CDH15: variants seen among roughly 807,000 people sequenced by gnomAD.
The protein encoded by CDH15 is cadherin-15.
In CDH15, 73 loss-of-function variants were observed where a neutral mutation model predicts 69.4. The observed-to-expected ratio is 1.05, with a 90% CI of 0.87 to 1.28. The LOEUF is 1.28. Among genes scored for constraint, CDH15 ranks in the 50% most tolerant of loss-of-function variants. CDH15 has a pLI of 0.00. For synonymous variants in CDH15, 624 were observed against 507.7 expected (o/e 1.23, Z -3.08); for missense variants, 1,343 against 1,133.6 (o/e 1.18, Z -2.65).
At position 89,192,289 on chromosome 16, in the gene CDH15, C is replaced by A. The variant is rs1311586272; in HGVS notation, c.1700C>A (p.Pro567Gln). 8 of 1,531,788 alleles carry A rather than the reference C, an allele frequency of 5.2e-6. No homozygotes were observed. In the African/African-American group the frequency reaches 6.9e-5, roughly 13 times the overall value. The allele number at this position is 1,531,788 out of a possible 1,614,324, so 94.9% of individuals were successfully genotyped here. ...CTGCTGCTCCGGGACTCGGGGCAGC[C>A]GCCCCAGCAGCGCGAGCAGCCTCTG... The part of the protein sequence containing the change: ...LSLLLRDSGQ[P>Q]PQQREQPLNV... Residue 567 changes from proline (P) to glutamine (Q), a missense_variant, in exon 11 of 14, where the codon CCG (proline) becomes CAG (glutamine). Pro to Gln is a moderately conservative substitution (Grantham distance 76). Transcript: ENST00000289746.
intron 2 of CDH15, 77 bp downstream of exon 2, chr16:89,179,651 C>G (rs1214076145): frequency 7.0e-7 from 1 of 1,434,874 alleles, no homozygotes. Context: ...CTCTAAAGGT[C>G]TCCTGGGAGC....
chr16:89,194,583 C>G (rs1816889450), intron 13 of CDH15, among the ~76,000 whole-genome samples: 1 of 152,168 alleles, frequency 6.6e-6, no homozygotes, highest in Admixed American at 6.5e-5. Context: ...TGAGGGGGAG[C>G]AACCCCTTCC....
At chr16:89,185,395 C>T (rs1203144993) in intron 5 of CDH15, 62 bp downstream of exon 5, 8 of 1,517,562 alleles carry the variant, frequency 5.3e-6, no homozygotes, top group Non-Finnish European at 7.1e-6. Context: ...TCCTGCGGGT[C>T]CCTCTGCCCC....
chr16:89,194,251 G>A lies in CDH15; in HGVS notation c.2151+338G>A, dbSNP rs896877815. 1.1e-4 allele frequency among the ~76,000 whole-genome samples: 16 copies of A among 152,150 alleles called. 1 individual carries two copies. Among genetic ancestry groups the A allele is most frequent in the Admixed American group, 7.2e-4 (11 of 15,288 alleles). On this transcript the variant is annotated intron_variant, in intron 13 of 13. Coordinates refer to ENST00000289746, the MANE Select transcript of CDH15 (RefSeq NM_004933.3). ...CTTCGGTGGCTGTCAGCGGAATCAG[G>A]GCCTCCATAGAAGACCCTCTGGACA... is the stretch of plus-strand genomic sequence containing the variant.
chr16:89,172,641 G>A (rs1915180750), intron 1 of CDH15, among the ~76,000 whole-genome samples: 1 of 152,188 alleles, frequency 6.6e-6, no homozygotes, highest in Non-Finnish European at 1.5e-5. Context: ...GTGGAAGGAA[G>A]CCCAGGCCTC....
In CDH15 at chr16:89,193,867, G is replaced by T; in HGVS notation, c.2105G>T (p.Arg702Leu). Residue 702 changes from arginine to leucine, a missense_variant, in exon 13 of 14, where the codon CGA (arginine) becomes CTA (leucine). By Grantham distance (102) the Arg-to-Leu change is moderately radical. Coordinates refer to ENST00000289746, the MANE Select transcript of CDH15 (RefSeq NM_004933.3). ...PQGRLHPQPP[R>L]VLPTSPLDIA... ...GGCCGCCTGCACCCCCAGCCACCCC[G>T]AGTGCTGCCCACCAGCCCCCTGGAC... 1 of 1,611,854 alleles carries T rather than the reference G, an allele frequency of 6.2e-7. No homozygotes were observed. Among genetic ancestry groups the T allele is most frequent in the Non-Finnish European group, 8.5e-7 (1 of 1,179,752 alleles).
At chr16:89,172,461 G>T (rs542803958) in intron 1 of CDH15, among the ~76,000 whole-genome samples, 2 of 152,146 alleles carry the variant, frequency 1.3e-5, no homozygotes, top group Non-Finnish European at 2.9e-5. Flanking sequence ...GCAGAGTGGC[G>T]TGTGGCAGCC....
rs73257993 is a variant in CDH15 at position 89,172,000 on chromosome 16, C to T, written c.42+127C>T. The T allele has an allele frequency of 0.014, 13,923 of 993,004 alleles. 1,188 individuals carry two copies. In the African/African-American group the frequency reaches 0.19, roughly 14 times the overall value. The allele number at this position is 993,004 out of a possible 1,614,324, so 61.5% of individuals were successfully genotyped here. On this transcript the variant is annotated intron_variant, in intron 1 of 13. Coordinates refer to ENST00000289746, the MANE Select transcript of CDH15 (RefSeq NM_004933.3). ...CTGGTCGCCTTTGGGGGCCTGTGAG[C>T]GGAGTGGCTCCGGGTGGGTCCCTGG...
Position 89,171,859 on chromosome 16 carries a change from G to C in CDH15, c.28G>C (p.Gly10Arg), listed in dbSNP as rs1567768749. MDAAFLLVL[G>R]LLAQSLCLSL... ...GGACGCCGCGTTCCTCCTCGTCCTCGGGCTGTTGGCCCAGGTAAGGCATCG... is the reference window on the plus strand; with the variant it reads ...GGACGCCGCGTTCCTCCTCGTCCTCCGGCTGTTGGCCCAGGTAAGGCATCG... Residue 10 changes from glycine (G) to arginine (R), a missense_variant, in exon 1 of 14, where the codon GGG becomes CGG. Coordinates refer to ENST00000289746, the MANE Select transcript of CDH15 (RefSeq NM_004933.3). 1 of 1,559,242 alleles carries C rather than the reference G, an allele frequency of 6.4e-7. No homozygotes were observed. The highest frequency in any genetic ancestry group is 8.7e-7 in the Non-Finnish European group (1 of 1,155,432).
In CDH15 at chr16:89,171,801, G is replaced by A. The variant is rs774469363; in HGVS notation, c.-31G>A. 1.4e-5 allele frequency: 21 copies of A among 1,545,244 alleles called. No individual in the cohort carries two copies. Among genetic ancestry groups the A allele is most frequent in the Admixed American group, 1.9e-5 (1 of 51,644 alleles). Reference sequence around the variant, plus strand: ...GGACGCGCTTCTTCGGGTCGCGGGTGCACTCCGGCCCGGCTCCCGCCTCGG... The same window carrying A: ...GGACGCGCTTCTTCGGGTCGCGGGTACACTCCGGCCCGGCTCCCGCCTCGG... On this transcript the variant is annotated 5_prime_UTR_variant, in exon 1 of 14. Transcript: ENST00000289746.
intron 3 of CDH15, 146 bp downstream of exon 3, chr16:89,180,501 G>GT: frequency 1.1e-6 from 1 of 946,874 alleles, no homozygotes; most frequent in Non-Finnish European, 1.6e-6. Context: ...GAGGGGGCAG[G>GT]TACAGGGGTT....
Position 89,191,453 on chromosome 16 carries a change from C to T in CDH15, c.1356C>T (p.Ile452=), listed in dbSNP as rs376123218. Residue 452 remains isoleucine, a synonymous_variant, in exon 9 of 14, where the codon ATC becomes ATT. Coordinates refer to ENST00000289746, the MANE Select transcript of CDH15 (RefSeq NM_004933.3). The part of the protein sequence containing the change: ...PFLKGGWYRA[I]VLAQDDASQP... ...TCAAGGGCGGCTGGTACAGAGCCAT[C>T]GTCCTGGCCCAGGATGACGGTGAGC... 3.1e-6 allele frequency: 5 copies of T among 1,612,578 alleles called. No homozygotes were observed. Among genetic ancestry groups the T allele is most frequent in the African/African-American group, 1.3e-5 (1 of 75,046 alleles).
At chr16:89,194,039 G>A in intron 13 of CDH15, 126 bp downstream of exon 13, 1 of 1,098,256 alleles carries the variant, frequency 9.1e-7, no homozygotes, top group Non-Finnish European at 1.3e-6. Context: ...CCGTCCCAGA[G>A]CACCGCAGAG....
intron 5 of CDH15, among the ~76,000 whole-genome samples, chr16:89,186,376 T>C (rs113387008): frequency 1.2e-4 from 15 of 125,992 alleles, no homozygotes; most frequent in African/African-American, 2.6e-4. Flanking sequence ...CTGTAAAGGC[T>C]CACCCAGCGC....
chr16:89,174,841 C>T (rs913674962), intron 1 of CDH15, among the ~76,000 whole-genome samples: 6 of 152,154 alleles, frequency 3.9e-5, no homozygotes, highest in African/African-American at 7.2e-5. Context: ...AGGGTGCTTG[C>T]GTCCCCTACC....
intron 1 of CDH15, among the ~76,000 whole-genome samples, chr16:89,173,126 C>T (rs1915191304): frequency 1.3e-5 from 2 of 152,282 alleles, no homozygotes; most frequent in South Asian, 2.1e-4. Flanking sequence ...CATCTGGAGA[C>T]AGTGGTGGGG....
rs778837215 is a variant in CDH15 at position 89,183,670 on chromosome 16, C to A, written c.480C>A (p.Arg160=). 1.9e-6 allele frequency: 3 copies of A among 1,608,520 alleles called. No homozygotes were observed. Among genetic ancestry groups the A allele is most frequent in the Non-Finnish European group, 2.5e-6 (3 of 1,177,526 alleles). The part of the protein sequence containing the change: ...PAFLQEAFTG[R]VLEGAVPGTY... ...TCCTGCAGGAGGCGTTCACTGGCCG[C>A]GTGCTGGAGGGTGCAGTCCCAGGTG... Residue 160 remains arginine (R), a synonymous_variant, in exon 4 of 14, where the codon CGC becomes CGA. Transcript: ENST00000289746.
Position 89,188,148 on chromosome 16 carries a change from C to G in CDH15, c.841C>G (p.Leu281Val), listed in dbSNP as rs200533144. 2.9e-5 allele frequency: 47 copies of G among 1,613,400 alleles called. No homozygotes were observed. Among genetic ancestry groups the G allele is most frequent in the Non-Finnish European group, 4.0e-5 (47 of 1,179,848 alleles). ...CGTCAGCGGAGTGGATGTGGGACGC[C>G]TGGAAGTGGAGGACAGGGACCTGCC... is the stretch of plus-strand genomic sequence containing the variant. Reference protein sequence around the residue: ...EAVSGVDVGRLEVEDRDLPGS... With the variant: ...EAVSGVDVGRVEVEDRDLPGS... Residue 281 changes from leucine (L) to valine (V), a missense_variant, in exon 7 of 14, where the codon CTG becomes GTG. Leu to Val is a conservative substitution (Grantham distance 32, BLOSUM62 1). Coordinates refer to ENST00000289746, the MANE Select transcript of CDH15 (RefSeq NM_004933.3).
rs371162466 is a variant in CDH15 at position 89,185,229 on chromosome 16, G to A, written c.559G>A (p.Ala187Thr). 59 of 1,605,822 alleles carry A rather than the reference G, an allele frequency of 3.7e-5. 1 individual carries two copies. The highest frequency in any genetic ancestry group is 4.8e-5 in the Non-Finnish European group (56 of 1,176,684). ...TGCCGACGACCCCGAGACGGACAACGCAGCGCTGCGGTTCTCCATCCTGCA... is the reference window on the plus strand; with the variant it reads ...TGCCGACGACCCCGAGACGGACAACACAGCGCTGCGGTTCTCCATCCTGCA... ...TDADDPETDN[A>T]ALRFSILQQG... is the part of the protein sequence containing the mutation. The change falls in exon 5 of 14, where the codon GCA becomes ACA. Residue 187 changes from alanine to threonine, a missense_variant. Coordinates refer to ENST00000289746, the MANE Select transcript of CDH15 (RefSeq NM_004933.3).
Sources: gnomAD v4.1 joint callset for allele counts (sites outside exome capture counted in the v4.1 genomes callset) on GRCh38, gnomAD v4.1.1 for gene constraint, MANE v1.5 for transcripts, NCBI Gene and HGNC (gene_info 2026-07-23, HGNC 2026-07-21) for gene names.